TRPM1: variants seen among roughly 807,000 people sequenced by gnomAD.
TRPM1 encodes TRPM1-203 APA Isoform, Intron 10.
Under a neutral mutation model 149.4 loss-of-function variants are expected in TRPM1, and 113 were observed. The ratio of observed to expected loss-of-function variants is 0.76; its 90% CI spans 0.65 to 0.88. TRPM1 has a LOEUF of 0.88. Among genes scored for constraint, TRPM1 ranks in the 40% least tolerant of loss-of-function variants. The pLI, the probability that TRPM1 is intolerant of heterozygous loss-of-function variation, is 0.00. For missense variants in TRPM1, 1,976 were observed against 2,038.7 expected (o/e 0.97, Z 0.59); for synonymous variants, 741 against 759.5 (o/e 0.98, Z 0.40).
intron 1 of TRPM1, among the ~76,000 whole-genome samples, chr15:31,150,415 G>A (rs1250318886): frequency 6.8e-6 from 1 of 148,040 alleles, no homozygotes; most frequent in South Asian, 2.2e-4. Context: ...TGGCTCCTCA[G>A]TTGAATTTTT....
intron 1 of TRPM1, among the ~76,000 whole-genome samples, chr15:31,151,045 A>G (rs956345104): frequency 1.3e-5 from 2 of 152,130 alleles, no homozygotes; most frequent in African/African-American, 4.8e-5. Context: ...TTTGCATTCA[A>G]CTGCAAAAAC....
chr15:31,002,558 C>A lies in TRPM1; in HGVS notation c.4142G>T (p.Gly1381Val). 6.2e-7 allele frequency: 1 copy of A among 1,614,002 alleles called. No homozygotes were observed. The highest frequency in any genetic ancestry group is 1.6e-4 in the Middle Eastern group (1 of 6,062). ...TCTTTCATCATCTTCCTTTGAAATC[C>A]CAATATCTGGACCTAATTTTGACTC... ...AEESKLGPDI[G>V]ISKEDDERQT... The change falls in exon 28 of 28, where the codon GGG becomes GTG. Residue 1381 changes from glycine (G) to valine (V), a missense_variant. Coordinates refer to ENST00000256552, the MANE Select transcript of TRPM1 (RefSeq NM_001252024.2).
In TRPM1 at chr15:31,001,774, A is replaced by G. The variant is rs1034238166; in HGVS notation, c.*48T>C. On this transcript the variant is annotated 3_prime_UTR_variant, in exon 28 of 28. Coordinates refer to ENST00000256552, the MANE Select transcript of TRPM1 (RefSeq NM_001252024.2). ...TGTTTAGATGGCCAAGATGACACCC[A>G]TTAGTGGTTCTGACTGTTAAAAAAA... is the stretch of plus-strand genomic sequence containing the variant. The G allele has an allele frequency of 6.3e-7, 1 of 1,582,780 alleles. No homozygotes were observed. Among genetic ancestry groups the G allele is most frequent in the Admixed American group, 1.7e-5 (1 of 57,222 alleles).
chr15:31,121,232 A>G (rs2035874093), intron 1 of TRPM1, among the ~76,000 whole-genome samples: 1 of 151,220 alleles, frequency 6.6e-6, no homozygotes, highest in Non-Finnish European at 1.5e-5. Flanking sequence ...TCAAAAAAAA[A>G]AAAAAAAAAA....
At chr15:31,107,989 CT>C (rs1309938217) in intron 1 of TRPM1, among the ~76,000 whole-genome samples, 2 of 151,920 alleles carry the variant, frequency 1.3e-5, no homozygotes, top group African/African-American at 2.4e-5. Flanking sequence ...TCTCAAGTAG[CT>C]GGGATTATAG....
At chr15:31,088,209 C>A (rs1438881022) in intron 1 of TRPM1, among the ~76,000 whole-genome samples, 1 of 152,176 alleles carries the variant, frequency 6.6e-6, no homozygotes, top group Non-Finnish European at 1.5e-5. Flanking sequence ...GACCAATCAG[C>A]ACTCTTTAAA....
At chr15:31,047,295 C>T in intron 14 of TRPM1, 44 bp from the exon 15 acceptor site, 1 of 1,613,158 alleles carries the variant, frequency 6.2e-7, no homozygotes, top group Non-Finnish European at 8.5e-7. Context: ...AATGCGTTCG[C>T]AGTGTGGACT....
intron 1 of TRPM1, among the ~76,000 whole-genome samples, chr15:31,090,187 T>C (rs926314971): frequency 7.2e-5 from 11 of 152,196 alleles, no homozygotes; most frequent in Non-Finnish European, 1.5e-4. Flanking sequence ...TAAAGGACTT[T>C]TTAAAAGGAA....
At chr15:31,115,387 G>T (rs1451228063) in intron 1 of TRPM1, among the ~76,000 whole-genome samples, 2 of 152,132 alleles carry the variant, frequency 1.3e-5, no homozygotes, top group Non-Finnish European at 1.5e-5. Flanking sequence ...GCACGAAAAA[G>T]CTGTTTAGAT....
At chr15:31,037,599 T>G (rs561258091) in intron 20 of TRPM1, 112 bp downstream of exon 20, 1 of 1,440,472 alleles carries the variant, frequency 6.9e-7, no homozygotes, top group African/African-American at 1.4e-5. Flanking sequence ...TAATTCATTT[T>G]AATTCAGTGA....
intron 4 of TRPM1, among the ~76,000 whole-genome samples, chr15:31,068,651 G>A (rs28624489): frequency 0.038 from 5,655 of 150,244 alleles, 153 homozygotes; most frequent in Admixed American, 0.079. Context: ...AGCTGAGGCA[G>A]GAGGATCACT....
In TRPM1 at chr15:31,061,182, T is replaced by C. The variant is rs562847743; in HGVS notation, c.1162+260A>G. On this transcript the variant is annotated intron_variant, in intron 10 of 27. Coordinates refer to ENST00000256552, the MANE Select transcript of TRPM1 (RefSeq NM_001252024.2). The stretch of plus-strand genomic sequence containing the variant: ...CATCTGATGTTTACACTCTAGGAGC[T>C]GAAGCCCTCAATGAACCAGTTACAA... 3.9e-5 allele frequency among the ~76,000 whole-genome samples: 6 copies of C among 152,326 alleles called. No individual in the cohort carries two copies. The South Asian group carries it at 1.2e-3, about 32-fold the overall frequency.
chr15:31,150,905 G>A (rs759280293), intron 1 of TRPM1, among the ~76,000 whole-genome samples: 3 of 152,096 alleles, frequency 2.0e-5, no homozygotes, highest in Non-Finnish European at 4.4e-5. Flanking sequence ...CGCAGTAAGG[G>A]GAACAAAGCA....
At chr15:31,113,196 T>C (rs571894622) in intron 1 of TRPM1, among the ~76,000 whole-genome samples, 3 of 152,146 alleles carry the variant, frequency 2.0e-5, no homozygotes, top group East Asian at 1.9e-4. Flanking sequence ...CTCCAGCTGG[T>C]GAATGGTAAC....
At chr15:31,022,083 T>C (rs1595983674) in intron 27 of TRPM1, among the ~76,000 whole-genome samples, 1 of 152,184 alleles carries the variant, frequency 6.6e-6, no homozygotes, top group East Asian at 1.9e-4. Flanking sequence ...ATAACATAAT[T>C]CTCATTGAGA....
At chr15:31,027,141 A>G (rs745705968) in intron 25 of TRPM1, 24 bp from the exon 26 acceptor site, 2 of 1,605,590 alleles carry the variant, frequency 1.2e-6, no homozygotes, top group African/African-American at 1.3e-5. Flanking sequence ...ACATTTTTAC[A>G]GTTAGTTATA....
chr15:31,061,372 G>C (rs1391199366), intron 10 of TRPM1, 70 bp downstream of exon 10: 31 of 1,476,782 alleles, frequency 2.1e-5, no homozygotes, highest in Non-Finnish European at 2.4e-5. Flanking sequence ...TCCATGGGAG[G>C]CCGGGAGGGA....
chr15:31,081,904 T>G (rs2034868609), intron 1 of TRPM1, among the ~76,000 whole-genome samples: 1 of 152,120 alleles, frequency 6.6e-6, no homozygotes, highest in South Asian at 2.1e-4. Flanking sequence ...AGGAGCTTGG[T>G]CTCCTGAATC....
At chr15:31,050,383 C>G in intron 12 of TRPM1, 26 bp downstream of exon 12, 5 of 1,614,154 alleles carry the variant, frequency 3.1e-6, no homozygotes, top group Non-Finnish European at 4.2e-6. Context: ...ATGCCAAGCT[C>G]GTGATCTCTG....
Sources: gnomAD v4.1 joint callset for allele counts (sites outside exome capture counted in the v4.1 genomes callset) on GRCh38, gnomAD v4.1.1 for gene constraint, MANE v1.5 for transcripts, NCBI Gene and HGNC (gene_info 2026-07-23, HGNC 2026-07-21) for gene names.